CDH13: variants seen among roughly 807,000 people sequenced by gnomAD.
CDH13 encodes cadherin 13, also known as cadherin-13.
CDH13 carries 24 observed loss-of-function variants against 63.8 expected under a neutral mutation model. The observed-to-expected ratio is 0.38, with a 90% CI of 0.27 to 0.53. The LOEUF is 0.53. CDH13 is among the 20% of genes least tolerant of loss of function. The probability of loss-of-function intolerance (pLI) is 0.85; values close to 1 mark genes in which losing one functional copy is unlikely to be tolerated. For missense variants in CDH13, 1,049 were observed against 903.1 expected (o/e 1.16, Z -2.07); for synonymous variants, 503 against 355.3 (o/e 1.42, Z -4.67).
At chr16:83,772,764 T>G (rs1323461829) in intron 11 of CDH13, 2 of 152,320 alleles carry the variant, frequency 1.3e-5, no homozygotes, top group Admixed American at 1.3e-4. Flanking sequence ...ACCCCTCACC[T>G]CACTTCCCTG....
intron 7 of CDH13, among the ~76,000 whole-genome samples, chr16:83,580,733 G>A (rs960876829): frequency 6.6e-6 from 1 of 152,008 alleles, no homozygotes; most frequent in Admixed American, 6.6e-5. Context: ...CTGAGCTCAG[G>A]TGATTCTGCC....
At chr16:82,875,452 A>G (rs1320424818) in intron 2 of CDH13, among the ~76,000 whole-genome samples, 1 of 152,228 alleles carries the variant, frequency 6.6e-6, no homozygotes, top group Non-Finnish European at 1.5e-5. Context: ...CCTGAATGAC[A>G]AGGTCTCAGA....
chr16:83,015,723 A>ATATAT (rs1293160001), intron 2 of CDH13, among the ~76,000 whole-genome samples: 1 of 125,700 alleles, frequency 8.0e-6, no homozygotes, highest in African/African-American at 2.9e-5. Flanking sequence ...ATATATATAT[A>ATATAT]AAGAAAAAGC....
chr16:83,056,762 G>T (rs753561906), intron 3 of CDH13, among the ~76,000 whole-genome samples: 3 of 152,152 alleles, frequency 2.0e-5, no homozygotes, highest in Non-Finnish European at 2.9e-5. Flanking sequence ...AATCACGGGG[G>T]TGGGTTTTTC....
chr16:83,086,750 G>A (rs998767529), intron 3 of CDH13, among the ~76,000 whole-genome samples: 5 of 152,118 alleles, frequency 3.3e-5, no homozygotes, highest in Non-Finnish European at 5.9e-5. Context: ...TGCTAAGAAT[G>A]ATGCACACAA....
chr16:83,411,893 T>C (rs1424037724), intron 6 of CDH13, among the ~76,000 whole-genome samples: 2 of 152,176 alleles, frequency 1.3e-5, no homozygotes, highest in African/African-American at 4.8e-5. Flanking sequence ...CATCCCACAT[T>C]ACAGAGGAAA....
chr16:83,514,074 G>C (rs1273131967), intron 7 of CDH13, among the ~76,000 whole-genome samples: 2 of 152,158 alleles, frequency 1.3e-5, no homozygotes, highest in African/African-American at 2.4e-5. Context: ...CCTGGACGTA[G>C]TGTCCATTAC....
chr16:82,974,878 T>G (rs1269548290), intron 2 of CDH13, among the ~76,000 whole-genome samples: 1 of 152,240 alleles, frequency 6.6e-6, no homozygotes, highest in Non-Finnish European at 1.5e-5. Flanking sequence ...ACATTTGTGT[T>G]GCTTTAAGCC....
At chr16:82,773,176 G>A (rs1423402203) in intron 1 of CDH13, 1 of 152,256 alleles carries the variant, frequency 6.6e-6, no homozygotes, top group Non-Finnish European at 1.5e-5. Context: ...TGGGACATGG[G>A]GCTGAGCCAG....
At chr16:83,002,925 C>G (rs1913088371) in intron 2 of CDH13, among the ~76,000 whole-genome samples, 1 of 152,194 alleles carries the variant, frequency 6.6e-6, no homozygotes, top group South Asian at 2.1e-4. Context: ...TGACTTAACA[C>G]TTATCTATTG....
chr16:83,433,612 G>C (rs1229903705), intron 6 of CDH13, among the ~76,000 whole-genome samples: 1 of 152,150 alleles, frequency 6.6e-6, no homozygotes, highest in African/African-American at 2.4e-5. Context: ...TTCTCCTATT[G>C]ACTCAGGAGT....
At chr16:82,811,262 T>C (rs1011572227) in intron 1 of CDH13, among the ~76,000 whole-genome samples, 4 of 152,162 alleles carry the variant, frequency 2.6e-5, no homozygotes, top group Non-Finnish European at 4.4e-5. Context: ...ATTTATATCA[T>C]AGAATATGGA....
chr16:83,622,105 CTGTG>C (rs1414705640), intron 8 of CDH13, among the ~76,000 whole-genome samples: 1 of 152,188 alleles, frequency 6.6e-6, no homozygotes, highest in African/African-American at 2.4e-5. Context: ...AAGTGCTTAT[CTGTG>C]TGAGGCACTG....
At chr16:83,670,592 G>A (rs1304010843) in intron 8 of CDH13, among the ~76,000 whole-genome samples, 198 bp from the exon 9 acceptor site, 1 of 152,222 alleles carries the variant, frequency 6.6e-6, no homozygotes, top group Non-Finnish European at 1.5e-5. Flanking sequence ...CATTCTGCAG[G>A]AGAGAAGTTA....
At chr16:83,706,946 T>C (rs1336375210) in intron 10 of CDH13, among the ~76,000 whole-genome samples, 1 of 152,060 alleles carries the variant, frequency 6.6e-6, no homozygotes, top group Non-Finnish European at 1.5e-5. Context: ...ATCCCTTCAC[T>C]ATAGGAGAGA....
intron 3 of CDH13, among the ~76,000 whole-genome samples, chr16:83,104,109 C>T (rs1186485494): frequency 6.6e-6 from 1 of 152,142 alleles, no homozygotes; most frequent in African/African-American, 2.4e-5. Flanking sequence ...ATTACACGAC[C>T]ATTGAATATT....
chr16:82,851,196 G>C (rs867013042), intron 1 of CDH13, among the ~76,000 whole-genome samples: 1 of 152,114 alleles, frequency 6.6e-6, no homozygotes, highest in African/African-American at 2.4e-5. Flanking sequence ...AGCCCTTTGG[G>C]AGGCTGAGGC....
intron 11 of CDH13, among the ~76,000 whole-genome samples, chr16:83,751,104 G>A (rs450094): frequency 0.011 from 1,735 of 152,254 alleles, 13 homozygotes; most frequent in Non-Finnish European, 0.018. Context: ...AGAGAAGCGT[G>A]TGGATACCGG....
At chr16:82,873,723 A>C (rs891251208) in intron 2 of CDH13, among the ~76,000 whole-genome samples, 1 of 152,174 alleles carries the variant, frequency 6.6e-6, no homozygotes, top group African/African-American at 2.4e-5. Flanking sequence ...TTATCCTTTA[A>C]AAGAATAAGG....
Sources: gnomAD v4.1 joint callset for allele counts (sites outside exome capture counted in the v4.1 genomes callset) on GRCh38, gnomAD v4.1.1 for gene constraint, MANE v1.5 for transcripts, NCBI Gene and HGNC (gene_info 2026-07-23, HGNC 2026-07-21) for gene names.